Variants in C8orf34 observed in about 807,000 individuals in gnomAD.
C8orf34 encodes chromosome 8 open reading frame 34, also known as uncharacterized protein C8orf34.
A neutral mutation model predicts 68.3 loss-of-function variants in C8orf34; 65 were observed. That is an observed-to-expected ratio of 0.95 (90% CI 0.78 to 1.17). The LOEUF (loss-of-function observed/expected upper bound fraction) is 1.17. C8orf34 is among the 50% of genes most tolerant of loss of function. C8orf34 has a pLI of 0.00. For synonymous variants in C8orf34, 244 were observed against 241.2 expected, an observed-to-expected ratio of 1.01 and a Z score of -0.11; for missense variants, 664 against 655.4, an observed-to-expected ratio of 1.01 and a Z score of -0.14.
At chr8:68,448,730 T>C (rs1811221701) in intron 3 of C8orf34, among the ~76,000 whole-genome samples, 1 of 152,070 alleles carries the variant, frequency 6.6e-6, no homozygotes, top group South Asian at 2.1e-4. Flanking sequence ...TACTAAACAT[T>C]CCAATTAAAG....
intron 1 of C8orf34, among the ~76,000 whole-genome samples, chr8:68,430,178 TA>T (rs1029339968): frequency 1.3e-5 from 2 of 151,848 alleles, no homozygotes; most frequent in East Asian, 3.9e-4. Flanking sequence ...CATTAAAAAA[TA>T]AAAAAATTAA....
At chr8:68,719,294 T>C (rs1029019629) in intron 9 of C8orf34, among the ~76,000 whole-genome samples, 1 of 152,058 alleles carries the variant, frequency 6.6e-6, no homozygotes, top group Non-Finnish European at 1.5e-5. Context: ...CTGGCAGTAC[T>C]TATAGTTGTC....
chr8:68,816,487 C>A (rs536230434), intron 13 of C8orf34, among the ~76,000 whole-genome samples: 1 of 152,234 alleles, frequency 6.6e-6, no homozygotes, highest in South Asian at 2.1e-4. Flanking sequence ...ATTGTCCTTA[C>A]CACTTATAGA....
intron 5 of C8orf34, among the ~76,000 whole-genome samples, chr8:68,504,451 A>G (rs987525055): frequency 6.6e-6 from 1 of 152,148 alleles, no homozygotes; most frequent in Non-Finnish European, 1.5e-5. Context: ...TACAGAGGAT[A>G]GGGAATGCTA....
At chr8:68,678,501 TTGA>T (rs1304044252) in intron 8 of C8orf34, among the ~76,000 whole-genome samples, 1 of 152,166 alleles carries the variant, frequency 6.6e-6, no homozygotes, top group African/African-American at 2.4e-5. Flanking sequence ...ATCATTTCAA[TTGA>T]TGATAAAGAA....
intron 9 of C8orf34, among the ~76,000 whole-genome samples, chr8:68,714,569 GA>G (rs1405065244): frequency 1.3e-5 from 2 of 152,020 alleles, no homozygotes; most frequent in African/African-American, 4.8e-5. Flanking sequence ...ACTAAACAAG[GA>G]AGTGAAAGAC....
intron 8 of C8orf34, among the ~76,000 whole-genome samples, chr8:68,665,257 T>C (rs1051471584): frequency 6.6e-6 from 1 of 152,204 alleles, no homozygotes; most frequent in Non-Finnish European, 1.5e-5. Flanking sequence ...CAACTTTAAA[T>C]TGTGTATACA....
chr8:68,765,362 T>G (rs1823141981), intron 10 of C8orf34, among the ~76,000 whole-genome samples: 1 of 152,226 alleles, frequency 6.6e-6, no homozygotes, highest in African/African-American at 2.4e-5. Flanking sequence ...CCTTTGCACC[T>G]TCTGACAGTA....
chr8:68,526,072 C>T (rs1316517952), intron 6 of C8orf34, among the ~76,000 whole-genome samples: 2 of 150,882 alleles, frequency 1.3e-5, no homozygotes, highest in African/African-American at 2.4e-5. Flanking sequence ...AGCCTCCCAC[C>T]TTAGCCTCCT....
chr8:68,410,316 T>A (rs1586077610), intron 1 of C8orf34, among the ~76,000 whole-genome samples: 1 of 152,072 alleles, frequency 6.6e-6, no homozygotes, highest in South Asian at 2.1e-4. Flanking sequence ...CCAAAAGTAT[T>A]TAGAAGAAAA....
chr8:68,585,182 C>A (rs1817172200), intron 7 of C8orf34, among the ~76,000 whole-genome samples: 1 of 151,852 alleles, frequency 6.6e-6, no homozygotes, highest in Admixed American at 6.6e-5. Context: ...ATCCACTGAG[C>A]AAAATGTTAA....
chr8:68,741,781 T>C (rs761361834), intron 10 of C8orf34, among the ~76,000 whole-genome samples: 1 of 152,220 alleles, frequency 6.6e-6, no homozygotes, highest in Non-Finnish European at 1.5e-5. Flanking sequence ...GATCCATCCA[T>C]GTTGTTGTAA....
intron 1 of C8orf34, among the ~76,000 whole-genome samples, chr8:68,371,178 C>A (rs1015129880): frequency 1.3e-5 from 2 of 152,170 alleles, no homozygotes; most frequent in Non-Finnish European, 2.9e-5. Flanking sequence ...ATTTAGCTGT[C>A]CTCATTCAAA....
intron 1 of C8orf34, among the ~76,000 whole-genome samples, chr8:68,340,275 A>G (rs1484269403): frequency 6.6e-6 from 1 of 152,106 alleles, no homozygotes; most frequent in East Asian, 1.9e-4. Context: ...AAATTTGCAT[A>G]CATACATATA....
chr8:68,806,600 T>C (rs1824494201), intron 12 of C8orf34, among the ~76,000 whole-genome samples: 1 of 152,236 alleles, frequency 6.6e-6, no homozygotes, highest in Non-Finnish European at 1.5e-5. Flanking sequence ...CATTTGTCTT[T>C]TATTTTTGCA....
At chr8:68,401,628 C>G (rs1480621852) in intron 1 of C8orf34, among the ~76,000 whole-genome samples, 1 of 74,326 alleles carries the variant, frequency 1.3e-5, no homozygotes, top group Non-Finnish European at 2.9e-5. Context: ...TGAAATGAAG[C>G]CTTTTCTTCA....
chr8:68,556,616 G>T (rs115150149), intron 7 of C8orf34, among the ~76,000 whole-genome samples: 1 of 152,058 alleles, frequency 6.6e-6, no homozygotes, highest in Non-Finnish European at 1.5e-5. Flanking sequence ...ATAAAGAGCC[G>T]AGGGCACCTC....
chr8:68,547,229 G>A (rs547299285), intron 7 of C8orf34, among the ~76,000 whole-genome samples: 2 of 151,674 alleles, frequency 1.3e-5, no homozygotes, highest in African/African-American at 2.4e-5. Flanking sequence ...CAGACACAAA[G>A]GATAACAAAA....
chr8:68,681,390 T>G (rs1208004137), intron 8 of C8orf34, among the ~76,000 whole-genome samples: 1 of 152,116 alleles, frequency 6.6e-6, no homozygotes, highest in Non-Finnish European at 1.5e-5. Flanking sequence ...CTCCAGCCGG[T>G]CCCTCCATTC....
Sources: allele counts gnomAD v4.1 joint callset (sites outside exome capture counted in the v4.1 genomes callset), GRCh38; gene constraint gnomAD v4.1.1; transcripts MANE v1.5; gene names NCBI Gene and HGNC (gene_info 2026-07-23, HGNC 2026-07-21).